Variants in CFAP65 observed in about 807,000 individuals in gnomAD.
CFAP65 encodes cilia- and flagella-associated protein 65.
Under a neutral mutation model 208.0 loss-of-function variants are expected in CFAP65, and 155 were observed. The ratio of observed to expected loss-of-function variants is 0.75; its 90% CI spans 0.65 to 0.85. The LOEUF (loss-of-function observed/expected upper bound fraction) is 0.85, where lower values mean the gene tolerates loss of function less well. CFAP65 is among the 40% of genes least tolerant of loss of function. The pLI is 0.00. For synonymous variants in CFAP65, 970 were observed against 986.3 expected, an observed-to-expected ratio of 0.98 and a Z score of 0.31; for missense variants, 2,294 against 2,451.3, an observed-to-expected ratio of 0.94 and a Z score of 1.36.
intron 30 of CFAP65, 34 bp downstream of exon 30, chr2:219,006,431 C>T: frequency 1.9e-6 from 3 of 1,613,124 alleles, no homozygotes; most frequent in Non-Finnish European, 2.5e-6. Flanking sequence ...CCCAAGTTGT[C>T]CCAAGAAGAT....
At chr2:219,014,218 C>T (rs982019773) in intron 21 of CFAP65, 174 bp from the exon 22 acceptor site, 18 of 513,064 alleles carry the variant, frequency 3.5e-5, no homozygotes, top group Non-Finnish European at 5.0e-5. Context: ...TGTGGATTCT[C>T]GTTTCATAAT....
Position 219,003,060 on chromosome 2 carries a change from G to A in CFAP65, c.5694-39C>T. ...AGTCCCAGGTAGGCGTGGGGGCGAG[G>A]CTTCGGGCAGAGCCTGGCTGCCCCC... is the stretch of plus-strand genomic sequence containing the variant. On this transcript the variant is annotated intron_variant, in intron 34 of 34. Coordinates refer to ENST00000341552, the MANE Select transcript of CFAP65 (RefSeq NM_194302.4). The surrounding 1 kb of genome is among the most constrained non-coding windows in gnomAD (Gnocchi z 4.4). The A allele has an allele frequency of 6.4e-7, 1 of 1,550,882 alleles. No homozygotes were observed. Among genetic ancestry groups the A allele is most frequent in the Non-Finnish European group, 8.7e-7 (1 of 1,146,698 alleles).
In CFAP65 at chr2:219,031,845, T is replaced by C. The variant is rs1051300488; in HGVS notation, c.646-187A>G. Among the ~76,000 whole-genome samples the C allele has an allele frequency of 3.3e-5, 5 of 151,616 alleles. No individual in the cohort carries two copies. The highest frequency in any genetic ancestry group is 1.2e-4 in the African/African-American group (5 of 41,228). On this transcript the variant is annotated intron_variant, in intron 6 of 34. Coordinates refer to ENST00000341552, the MANE Select transcript of CFAP65 (RefSeq NM_194302.4). This position sits in a 1 kb window ranked among gnomAD's most constrained non-coding sequence, Gnocchi z 5.2. Reference sequence around the variant, plus strand: ...GTCTCAAACATTAGAGCCTCTTTTGTGGAAAAAGTATTTTGAGGAAATGTG... The same window carrying C: ...GTCTCAAACATTAGAGCCTCTTTTGCGGAAAAAGTATTTTGAGGAAATGTG...
chr2:219,022,479 G>A, intron 16 of CFAP65, 150 bp from the exon 17 acceptor site: 1 of 816,532 alleles, frequency 1.2e-6, no homozygotes, highest in Non-Finnish European at 2.0e-6. Context: ...CACATGTATG[G>A]AGTCTCCCCA....
In CFAP65 at chr2:219,023,381, G is replaced by T; in HGVS notation, c.2646C>A (p.Thr882=). The T allele has an allele frequency of 6.2e-7, 1 of 1,600,992 alleles. No individual in the cohort carries two copies. Among genetic ancestry groups the T allele is most frequent in the South Asian group, 1.1e-5 (1 of 88,778 alleles). Residue 882 remains threonine, a synonymous_variant, in exon 16 of 35, where the codon ACC becomes ACA. Coordinates refer to ENST00000341552, the MANE Select transcript of CFAP65 (RefSeq NM_194302.4). ...TGGGCTTGAAGTAGAGGCTTTTGTG[G>T]GTGTCCAGCTTCAGCTGCAGTGGCT... is the stretch of plus-strand genomic sequence containing the variant. ...REEPLQLKLD[T]HKSLYFKPTW...
chr2:219,019,824 C>T, intron 19 of CFAP65, 105 bp from the exon 20 acceptor site: 2 of 864,034 alleles, frequency 2.3e-6, no homozygotes, highest in East Asian at 5.3e-5. Flanking sequence ...GGCCCCAGGA[C>T]CCTCATCAGG....
intron 29 of CFAP65, among the ~76,000 whole-genome samples, chr2:219,007,424 C>T (rs1946096154): frequency 6.6e-6 from 1 of 152,160 alleles, no homozygotes; most frequent in Non-Finnish European, 1.5e-5. Flanking sequence ...AAGCAATCCT[C>T]ATGCCTTCGC....
In CFAP65 at chr2:219,030,584, G is replaced by A. The variant is rs1947948091; in HGVS notation, c.1161+105C>T. ...TGACATGGGTTACATGAGGCTTGGG[G>A]CCAAAGGCATGGAGAGAAAGGGGGG... On this transcript the variant is annotated intron_variant, in intron 9 of 34. Coordinates refer to ENST00000341552, the MANE Select transcript of CFAP65 (RefSeq NM_194302.4). 3 of 1,448,348 alleles carry A rather than the reference G, an allele frequency of 2.1e-6. No individual in the cohort carries two copies. In the Admixed American group the frequency reaches 5.8e-5, roughly 28 times the overall value. The allele number at this position is 1,448,348 out of a possible 1,614,324, so 89.7% of individuals were successfully genotyped here.
At chr2:219,035,432 C>T (rs772848972) in intron 5 of CFAP65, 48 bp downstream of exon 5, 7 of 1,613,988 alleles carry the variant, frequency 4.3e-6, no homozygotes, top group African/African-American at 2.7e-5. Context: ...AGCCTGCTTT[C>T]GGGGCTCAAG....
At position 219,038,969 on chromosome 2, in the gene CFAP65, A is replaced by G; in HGVS notation, c.80T>C (p.Phe27Ser). Residue 27 changes from phenylalanine to serine, a missense_variant, in exon 3 of 35, where the codon TTC (phenylalanine) becomes TCC (serine). Physicochemically the swap from Phe to Ser is radical, Grantham distance 155 (BLOSUM62 -2). Transcript: ENST00000341552. ...ENPSVSFASS[F>S]PLIPLLLRGK... The stretch of plus-strand genomic sequence containing the variant: ...TCTTAGGAGAAGAGGAATAAGGGGG[A>G]AAGAAGAGGCAAATGAGACTGATGG... The G allele has an allele frequency of 1.2e-6, 2 of 1,613,824 alleles. No individual in the cohort carries two copies. Among genetic ancestry groups the G allele is most frequent in the South Asian group, 2.2e-5 (2 of 91,040 alleles).
Position 219,029,592 on chromosome 2 carries a change from C to T in CFAP65, c.1461G>A (p.Leu487=). The change falls in exon 11 of 35, where the codon CTG becomes CTA. Residue 487 remains leucine, a synonymous_variant. Transcript: ENST00000341552. ...VNLGERSEQP[L]WIENQSDCTA... ...TGCAGTCCGATTGGTTCTCAATCCA[C>T]AGGGGCTGCTCGGAGCGCTCCCCAA... 6.2e-7 allele frequency: 1 copy of T among 1,614,134 alleles called. No homozygotes were observed. The highest frequency in any genetic ancestry group is 8.5e-7 in the Non-Finnish European group (1 of 1,180,026).
intron 9 of CFAP65, 80 bp from the exon 10 acceptor site, chr2:219,030,288 G>T (rs1947930796): frequency 3.5e-6 from 5 of 1,447,250 alleles, no homozygotes; most frequent in Non-Finnish European, 4.8e-6. Context: ...GCATTGTACT[G>T]GCGTGCCTAG....
At chr2:219,005,204 T>C (rs1945877188) in intron 32 of CFAP65, among the ~76,000 whole-genome samples, 1 of 152,048 alleles carries the variant, frequency 6.6e-6, no homozygotes, top group Non-Finnish European at 1.5e-5. Context: ...TTTTGTATTT[T>C]TTGTAGAGAT....
intron 21 of CFAP65, 31 bp downstream of exon 21, chr2:219,019,020 A>G (rs1349138120): frequency 6.2e-7 from 1 of 1,613,604 alleles, no homozygotes; most frequent in Non-Finnish European, 8.5e-7. Flanking sequence ...CTTGTCTCCC[A>G]GGCCCCCCAG....
In CFAP65 at chr2:219,006,482, G is replaced by A. The variant is rs763606830; in HGVS notation, c.4702C>T (p.Pro1568Ser). The change falls in exon 30 of 35, where the codon CCT (proline) becomes TCT (serine). Residue 1568 changes from proline to serine, a missense_variant. Coordinates refer to ENST00000341552, the MANE Select transcript of CFAP65 (RefSeq NM_194302.4). ...CGCCTCACCTTGTACTTCCTCGCAG[G>A]TTCACAGGCTGTGCAGCATGTTCTC... ...KKRTCCTACEPARKYKTLPPI... is the reference protein window; with the variant it reads ...KKRTCCTACESARKYKTLPPI... 4 of 1,613,674 alleles carry A rather than the reference G, an allele frequency of 2.5e-6. No homozygotes were observed. Among genetic ancestry groups the A allele is most frequent in the East Asian group, 2.2e-5 (1 of 44,884 alleles).
intron 29 of CFAP65, among the ~76,000 whole-genome samples, chr2:219,007,563 A>G (rs1946107479): frequency 6.6e-6 from 1 of 152,176 alleles, no homozygotes; most frequent in African/African-American, 2.4e-5. Context: ...GGCAGACACC[A>G]AGGTGATTGA....
rs1574499889 is a variant in CFAP65, at chr2:219,003,331, C to A, written c.5556-59G>T. ...CGCAGTGCCCGCGCGCCTCCTCGCT[C>A]GCCTGTCCGTGCGGTACATTGTGCC... On this transcript the variant is annotated intron_variant, in intron 33 of 34. Coordinates refer to ENST00000341552, the MANE Select transcript of CFAP65 (RefSeq NM_194302.4). The surrounding 1 kb of genome is among the most constrained non-coding windows in gnomAD (Gnocchi z 4.4). 25 of 1,470,560 alleles carry A rather than the reference C, an allele frequency of 1.7e-5. No individual in the cohort carries two copies. Among genetic ancestry groups the A allele is most frequent in the Non-Finnish European group, 2.2e-5 (24 of 1,110,522 alleles). The allele number at this position is 1,470,560 out of a possible 1,614,324, so 91.1% of individuals were successfully genotyped here.
At chr2:219,022,129 G>A (rs1307431574) in intron 17 of CFAP65, 42 bp downstream of exon 17, 1 of 1,526,800 alleles carries the variant, frequency 6.5e-7, no homozygotes, top group East Asian at 2.4e-5. Context: ...ACCTGTCCGG[G>A]CCTCTCCCCC....
chr2:219,004,476 G>A lies in CFAP65; in HGVS notation c.5052-21C>T. 1 of 1,584,182 alleles carries A rather than the reference G, an allele frequency of 6.3e-7. No homozygotes were observed. The highest frequency in any genetic ancestry group is 8.6e-7 in the Non-Finnish European group (1 of 1,165,972). ...GGCCCCTAGGTGGCAGGGAGAAGGA[G>A]AAGGCCCTTGCTGAGGGGCCCTGAA... On this transcript the variant is annotated intron_variant, in intron 32 of 34. Transcript: ENST00000341552. This position sits in a 1 kb window ranked among gnomAD's most constrained non-coding sequence, Gnocchi z 4.7.
Sources: gnomAD v4.1 joint callset for allele counts (sites outside exome capture counted in the v4.1 genomes callset) on GRCh38, gnomAD v4.1.1 for gene constraint, Gnocchi (gnomAD v3.1) non-coding constraint, MANE v1.5 for transcripts, NCBI Gene and HGNC (gene_info 2026-07-23, HGNC 2026-07-21) for gene names.